NCEH1: variants seen among roughly 807,000 people sequenced by gnomAD.
The protein encoded by NCEH1 is 2-acetyl MAGE hydrolase.
NCEH1 carries 9 observed loss-of-function variants against 25.4 expected under a neutral mutation model. The ratio of observed to expected loss-of-function variants is 0.35; its 90% confidence interval spans 0.21 to 0.62. NCEH1 has a LOEUF of 0.62. Ranked by LOEUF, NCEH1 falls within the 20% of genes least tolerant of loss-of-function variation. The pLI, the probability that NCEH1 is intolerant of heterozygous loss-of-function variation, is 0.72. For missense variants in NCEH1, 412 were observed against 501.1 expected (o/e 0.82, Z 1.70); for synonymous variants, 200 against 199.8 (o/e 1.00, Z -0.01).
Position 172,706,012 on chromosome 3 carries a change from A to ACC in NCEH1, c.138+4834_138+4835insGG, listed in dbSNP as rs1713961902. Among the ~76,000 whole-genome samples, 3 of 24,436 alleles carry ACC rather than the reference A, an allele frequency of 1.2e-4. No individual in the cohort carries two copies. In the South Asian group the frequency reaches 5.6e-3, roughly 46 times the overall value. 16.0% of individuals were successfully genotyped at this position (24,436 alleles called of 152,430 possible). ...GACTCCATCTCAACAACAACAACCA[A>ACC]AAAAAAAAAAAAAAAAAAAACCCAT... On this transcript the variant is annotated intron_variant, in intron 1 of 4. Transcript: ENST00000475381.
rs1381850683 is a variant in NCEH1, at chr3:172,665,090, T to C, written c.139-16976A>G. On this transcript the variant is annotated intron_variant, in intron 1 of 4. Transcript: ENST00000475381. ...TTCTGCTCTGGTTTCTCCCCATCTTTGTGATTTTATCTACCTTTGGTCTTT... is the reference window on the plus strand; with the variant it reads ...TTCTGCTCTGGTTTCTCCCCATCTTCGTGATTTTATCTACCTTTGGTCTTT... Among the ~76,000 whole-genome samples, 4 of 152,348 alleles carry C rather than the reference T, an allele frequency of 2.6e-5. No individual in the cohort carries two copies. In the East Asian group the frequency reaches 7.7e-4, roughly 29 times the overall value.
chr3:172,655,639 C>T (rs547265773), intron 1 of NCEH1, among the ~76,000 whole-genome samples: 4 of 152,196 alleles, frequency 2.6e-5, no homozygotes, highest in Non-Finnish European at 4.4e-5. Flanking sequence ...TATCAAAGTC[C>T]GCTTTCCTAT....
At chr3:172,643,131 T>A (rs1716941231) in intron 3 of NCEH1, among the ~76,000 whole-genome samples, 1 of 151,888 alleles carries the variant, frequency 6.6e-6, no homozygotes, top group African/African-American at 2.4e-5. Context: ...AGAGATGGGG[T>A]TTCTCCATGT....
Position 172,672,395 on chromosome 3 carries a change from G to T in NCEH1, c.139-24281C>A, listed in dbSNP as rs187788522. On this transcript the variant is annotated intron_variant, in intron 1 of 4. Coordinates refer to ENST00000475381, the MANE Select transcript of NCEH1 (RefSeq NM_020792.6). ...GCCCTTTTTAATACGCGTTTTAGAA[G>T]GCCTATGGAAAACCAGGGCCAAACC... 2.8e-4 allele frequency among the ~76,000 whole-genome samples: 42 copies of T among 152,202 alleles called. No individual in the cohort carries two copies. The East Asian group carries it at 7.9e-3, about 29-fold the overall frequency.
intron 4 of NCEH1, among the ~76,000 whole-genome samples, chr3:172,634,742 T>C (rs568646721): frequency 1.2e-4 from 18 of 152,328 alleles, no homozygotes; most frequent in African/African-American, 4.3e-4. Flanking sequence ...ATTGCCCCAT[T>C]TTGTAATTCT....
At chr3:172,636,220 AAG>A (rs1716592638) in intron 3 of NCEH1, 133 bp from the exon 4 acceptor site, 12 of 507,838 alleles carry the variant, frequency 2.4e-5, no homozygotes, top group South Asian at 4.5e-5. Flanking sequence ...TTGTATGAAA[AAG>A]AAAAAATAAT....
At chr3:172,696,153 C>G (rs575394875) in intron 1 of NCEH1, among the ~76,000 whole-genome samples, 1 of 152,018 alleles carries the variant, frequency 6.6e-6, no homozygotes, top group Non-Finnish European at 1.5e-5. Flanking sequence ...TCCTTATAAG[C>G]CTTGAAGGAG....
chr3:172,679,925 C>A (rs1712248951), intron 1 of NCEH1, among the ~76,000 whole-genome samples: 1 of 152,154 alleles, frequency 6.6e-6, no homozygotes, highest in South Asian at 2.1e-4. Flanking sequence ...GTGAATGACA[C>A]ACCTGGTCAA....
At chr3:172,655,160 C>A (rs1047148309) in intron 1 of NCEH1, among the ~76,000 whole-genome samples, 3 of 152,164 alleles carry the variant, frequency 2.0e-5, no homozygotes, top group African/African-American at 7.2e-5. Context: ...GCTGGGAAAT[C>A]CAGGAACACA....
At chr3:172,651,730 T>G (rs1717413797) in intron 1 of NCEH1, among the ~76,000 whole-genome samples, 1 of 152,140 alleles carries the variant, frequency 6.6e-6, no homozygotes, top group East Asian at 1.9e-4. Context: ...GGCTACATTT[T>G]GTAGTTTTAG....
chr3:172,653,642 A>G (rs925744599), intron 1 of NCEH1, among the ~76,000 whole-genome samples: 1 of 151,966 alleles, frequency 6.6e-6, no homozygotes, highest in Non-Finnish European at 1.5e-5. Flanking sequence ...ATCTTAGATG[A>G]TGTCCCATCA....
intron 1 of NCEH1, among the ~76,000 whole-genome samples, chr3:172,683,495 CCT>C (rs1406222442): frequency 1.3e-5 from 2 of 150,608 alleles, no homozygotes; most frequent in Non-Finnish European, 2.9e-5. Flanking sequence ...TATAGTGAGA[CCT>C]CTGTCTCTAC....
At chr3:172,647,713 T>G in intron 2 of NCEH1, 173 bp downstream of exon 2, 1 of 770,962 alleles carries the variant, frequency 1.3e-6, no homozygotes, top group Non-Finnish European at 2.0e-6. Flanking sequence ...CTTTTGAGAG[T>G]GAAAAGGGGG....
chr3:172,665,441 G>A (rs1718162572), intron 1 of NCEH1, among the ~76,000 whole-genome samples: 1 of 152,190 alleles, frequency 6.6e-6, no homozygotes, highest in African/African-American at 2.4e-5. Flanking sequence ...AGGGGTCAGG[G>A]ACCCACTTGA....
intron 1 of NCEH1, among the ~76,000 whole-genome samples, chr3:172,653,778 G>A (rs1717561474): frequency 2.8e-5 from 1 of 35,624 alleles, no homozygotes; most frequent in African/African-American, 1.3e-4. Context: ...TTTTTTTTGA[G>A]ACAGAGTCTC....
At chr3:172,660,300 T>C (rs541218076) in intron 1 of NCEH1, among the ~76,000 whole-genome samples, 1 of 152,166 alleles carries the variant, frequency 6.6e-6, no homozygotes, top group South Asian at 2.1e-4. Flanking sequence ...ACAAAGGACA[T>C]GAACTCATCA....
intron 1 of NCEH1, among the ~76,000 whole-genome samples, chr3:172,705,415 G>A (rs1055732155): frequency 6.6e-5 from 10 of 152,172 alleles, no homozygotes; most frequent in Admixed American, 2.0e-4. Context: ...TGTGAGCACC[G>A]CCCATCATGT....
Position 172,699,708 on chromosome 3 carries a change from T to C in NCEH1, c.138+11139A>G, listed in dbSNP as rs1713576668. On this transcript the variant is annotated intron_variant, in intron 1 of 4. Coordinates refer to ENST00000475381, the MANE Select transcript of NCEH1 (RefSeq NM_020792.6). ...AGGGAGACCTCATCTCTACAAAAAA[T>C]ACAAAAATCAGCTGGGCATGGTGGT... is the stretch of plus-strand genomic sequence containing the variant. Among the ~76,000 whole-genome samples, 2 of 151,898 alleles carry C rather than the reference T, an allele frequency of 1.3e-5. 1 individual carries two copies. The highest frequency in any genetic ancestry group is 4.1e-4 in the South Asian group (2 of 4,820).
intron 1 of NCEH1, among the ~76,000 whole-genome samples, chr3:172,697,169 TC>T (rs1713421777): frequency 6.6e-6 from 1 of 151,396 alleles, no homozygotes; most frequent in African/African-American, 2.4e-5. Context: ...GCTCAGGCAA[TC>T]CACCGGTCTT....
Sources: allele counts gnomAD v4.1 joint callset (sites outside exome capture counted in the v4.1 genomes callset), GRCh38; gene constraint gnomAD v4.1.1; transcripts MANE v1.5; gene names NCBI Gene and HGNC (gene_info 2026-07-23, HGNC 2026-07-21).